NRXN3: variants seen among roughly 807,000 people sequenced by gnomAD.
NRXN3 encodes neurexin III.
Under a neutral mutation model 137.6 loss-of-function variants are expected in NRXN3, and 32 were observed. That is an observed-to-expected ratio of 0.23 (90% CI 0.18 to 0.31). The LOEUF (loss-of-function observed/expected upper bound fraction) is 0.31, where lower values mean the gene tolerates loss of function less well. Ranked by LOEUF, NRXN3 falls within the 10% of genes least tolerant of loss-of-function variation. NRXN3 has a pLI of 1.00. For missense variants in NRXN3, 1,574 were observed against 2,062.5 expected (o/e 0.76, Z 4.59); for synonymous variants, 798 against 784.5 (o/e 1.02, Z -0.29).
At chr14:79,179,845 C>A (rs563705718) in intron 15 of NRXN3, among the ~76,000 whole-genome samples, 32 of 152,270 alleles carry the variant, frequency 2.1e-4, no homozygotes, top group African/African-American at 7.7e-4. Context: ...ATGTCAAGAT[C>A]CTGCACGGAT....
chr14:79,375,565 A>G (rs1049354924), intron 15 of NRXN3, among the ~76,000 whole-genome samples: 4 of 152,080 alleles, frequency 2.6e-5, no homozygotes, highest in South Asian at 2.1e-4. Flanking sequence ...ATCAGTGGGC[A>G]TGCCATCAGT....
chr14:79,857,007 G>A (rs1401090600), intron 20 of NRXN3, among the ~76,000 whole-genome samples: 1 of 152,066 alleles, frequency 6.6e-6, no homozygotes, highest in East Asian at 1.9e-4. Context: ...TGGATTACAG[G>A]TTTTGTATTA....
intron 16 of NRXN3, among the ~76,000 whole-genome samples, chr14:79,537,741 G>A (rs911409800): frequency 6.6e-5 from 10 of 152,148 alleles, no homozygotes; most frequent in Admixed American, 6.5e-5. Context: ...GAATAGTGCC[G>A]CAATAAACAT....
intron 4 of NRXN3, among the ~76,000 whole-genome samples, chr14:78,497,325 G>A (rs766249073): frequency 2.0e-5 from 3 of 152,166 alleles, no homozygotes; most frequent in Non-Finnish European, 4.4e-5. Flanking sequence ...CAATCACACT[G>A]TCTGAGGCCT....
chr14:78,623,938 T>A (rs528988185), intron 4 of NRXN3, among the ~76,000 whole-genome samples: 1 of 152,346 alleles, frequency 6.6e-6, no homozygotes, highest in East Asian at 1.9e-4. Flanking sequence ...GATACCATTT[T>A]CTATAGTAGC....
At chr14:78,702,659 G>A (rs572707488) in intron 6 of NRXN3, among the ~76,000 whole-genome samples, 36 of 152,052 alleles carry the variant, frequency 2.4e-4, no homozygotes, top group African/African-American at 8.0e-4. Context: ...GGCCATGCTG[G>A]TCTTGAACTC....
intron 6 of NRXN3, among the ~76,000 whole-genome samples, chr14:78,652,428 T>A (rs2097754373): frequency 6.6e-5 from 10 of 152,214 alleles, no homozygotes; most frequent in Admixed American, 6.5e-4. Flanking sequence ...CTAAATTTGG[T>A]AGAGCTCTTT....
At chr14:78,636,559 G>A (rs2097568872) in intron 4 of NRXN3, among the ~76,000 whole-genome samples, 1 of 152,086 alleles carries the variant, frequency 6.6e-6, no homozygotes, top group African/African-American at 2.4e-5. Context: ...CTGGGGAATG[G>A]GGAGGAAATG....
At chr14:78,260,005 A>G (rs904341936) in intron 2 of NRXN3, among the ~76,000 whole-genome samples, 4 of 152,180 alleles carry the variant, frequency 2.6e-5, no homozygotes, top group African/African-American at 4.8e-5. Flanking sequence ...GTGGACATGC[A>G]TGCTTTACAC....
intron 10 of NRXN3, among the ~76,000 whole-genome samples, chr14:78,932,091 G>A (rs986754868): frequency 6.6e-6 from 1 of 152,146 alleles, no homozygotes; most frequent in African/African-American, 2.4e-5. Flanking sequence ...AGTAAGCCAA[G>A]ATTGCGCCAT....
rs192128990 is a variant in NRXN3, at chr14:79,391,144, G to A, written c.3263-76077G>A. On this transcript the variant is annotated intron_variant, in intron 15 of 20. Coordinates refer to ENST00000335750, the MANE Select transcript of NRXN3 (RefSeq NM_001330195.2). ...TAATGGACTTAGTCACCAACTAAAT[G>A]TAATGGACAAGAATGGCCTACATTA... is the stretch of plus-strand genomic sequence containing the variant. Among the ~76,000 whole-genome samples the A allele has an allele frequency of 2.7e-3, 405 of 152,056 alleles. 4 individuals carry two copies. Among genetic ancestry groups the A allele is most frequent in the African/African-American group, 9.2e-3 (383 of 41,462 alleles).
intron 4 of NRXN3, among the ~76,000 whole-genome samples, chr14:78,408,590 C>G (rs983862490): frequency 2.0e-5 from 3 of 152,198 alleles, no homozygotes; most frequent in African/African-American, 7.2e-5. Context: ...AACAGAAACA[C>G]CTAGTTGACA....
At chr14:78,190,637 TTA>T (rs2060630884) in intron 1 of NRXN3, among the ~76,000 whole-genome samples, 1 of 49,500 alleles carries the variant, frequency 2.0e-5, no homozygotes, top group African/African-American at 1.1e-4. Context: ...ATTTATTTAT[TTA>T]TTTATTTATT....
intron 1 of NRXN3, among the ~76,000 whole-genome samples, chr14:78,188,789 C>T (rs961048091): frequency 6.6e-6 from 1 of 152,090 alleles, no homozygotes; most frequent in Non-Finnish European, 1.5e-5. Context: ...ATAGGAATGG[C>T]GTCATACCTA....
chr14:79,540,429 G>C (rs2097261656), intron 16 of NRXN3, among the ~76,000 whole-genome samples: 1 of 152,072 alleles, frequency 6.6e-6, no homozygotes, highest in South Asian at 2.1e-4. Context: ...TCTGGTGAGA[G>C]CATTCAAAAT....
At chr14:78,855,338 A>G (rs2099054192) in intron 10 of NRXN3, among the ~76,000 whole-genome samples, 1 of 152,186 alleles carries the variant, frequency 6.6e-6, no homozygotes, top group Non-Finnish European at 1.5e-5. Context: ...AAGCAAACAA[A>G]CAAGATGAAA....
At chr14:78,588,621 C>G (rs1293763526) in intron 4 of NRXN3, among the ~76,000 whole-genome samples, 1 of 152,158 alleles carries the variant, frequency 6.6e-6, no homozygotes, top group Non-Finnish European at 1.5e-5. Flanking sequence ...TAAATCAGTA[C>G]GATAATACTC....
At chr14:78,668,423 T>C (rs1318198973) in intron 6 of NRXN3, among the ~76,000 whole-genome samples, 1 of 152,196 alleles carries the variant, frequency 6.6e-6, no homozygotes, top group African/African-American at 2.4e-5. Context: ...GCCAGGTTAG[T>C]GGCTTCTCAA....
chr14:79,104,589 A>G (rs2052012597), intron 15 of NRXN3, among the ~76,000 whole-genome samples: 1 of 152,208 alleles, frequency 6.6e-6, no homozygotes, highest in East Asian at 1.9e-4. Context: ...GGAAAACCAG[A>G]CAGTCCTTTC....
Sources: allele counts gnomAD v4.1 joint callset (sites outside exome capture counted in the v4.1 genomes callset), GRCh38; gene constraint gnomAD v4.1.1; transcripts MANE v1.5; gene names NCBI Gene and HGNC (gene_info 2026-07-23, HGNC 2026-07-21).